Variants in ENAH observed in about 807,000 individuals in gnomAD.
The protein encoded by ENAH is ENAH actin regulator.
In ENAH, 23 loss-of-function variants were observed where a neutral mutation model predicts 78.7. That is an observed-to-expected ratio of 0.29 (90% CI 0.21 to 0.41). The LOEUF (loss-of-function observed/expected upper bound fraction) is 0.41, where lower values mean the gene tolerates loss of function less well. Among genes scored for constraint, ENAH ranks in the 10% least tolerant of loss-of-function variants. The probability of loss-of-function intolerance (pLI) is 1.00; values close to 1 mark genes in which losing one functional copy is unlikely to be tolerated. For missense variants in ENAH, 544 were observed against 691.0 expected (o/e 0.79, Z 2.39); for synonymous variants, 226 against 241.0 (o/e 0.94, Z 0.58).
intron 1 of ENAH, among the ~76,000 whole-genome samples, chr1:225,638,246 T>C (rs1214165795): frequency 6.6e-6 from 1 of 151,636 alleles, no homozygotes; most frequent in Non-Finnish European, 1.5e-5. Context: ...AGCCTCAACA[T>C]TCCAGGCTCA....
intron 1 of ENAH, among the ~76,000 whole-genome samples, chr1:225,634,167 T>C (rs960823031): frequency 6.6e-6 from 1 of 152,218 alleles, no homozygotes; most frequent in Non-Finnish European, 1.5e-5. Context: ...TTATAAATTG[T>C]GGTTGGGGTA....
intron 1 of ENAH, among the ~76,000 whole-genome samples, chr1:225,614,533 CT>C (rs1285526507): frequency 6.6e-6 from 1 of 152,136 alleles, no homozygotes; most frequent in Non-Finnish European, 1.5e-5. Context: ...AGACTCTATC[CT>C]TTGGGTTTGT....
chr1:225,609,374 C>T (rs2096975146), intron 1 of ENAH, among the ~76,000 whole-genome samples: 1 of 151,574 alleles, frequency 6.6e-6, no homozygotes, highest in Admixed American at 6.6e-5. Context: ...AAATAGTACA[C>T]AGCATGGCTC....
chr1:225,642,651 C>CTTTACTCAA (rs1179733903), intron 1 of ENAH, among the ~76,000 whole-genome samples: 1 of 152,144 alleles, frequency 6.6e-6, no homozygotes, highest in Non-Finnish European at 1.5e-5. Flanking sequence ...GCCCGGGTAA[C>CTTTACTCAA]AGCTTTACTA....
chr1:225,496,678 G>A lies in ENAH; in HGVS notation c.*1097C>T, dbSNP rs1484940753. 6 of 152,620 alleles carry A rather than the reference G, an allele frequency of 3.9e-5. No individual in the cohort carries two copies. Among genetic ancestry groups the A allele is most frequent in the Non-Finnish European group, 8.8e-5 (6 of 68,026 alleles). 9.5% of individuals were successfully genotyped at this position (152,620 alleles called of 1,614,324 possible). ...CTGAAGACATGATGTAAAAGATTAA[G>A]TACTTGGTTTTGTAACATATTTACC... is the stretch of plus-strand genomic sequence containing the variant. On this transcript the variant is annotated 3_prime_UTR_variant, in exon 14 of 14. Transcript: ENST00000366843.
chr1:225,540,285 G>C (rs1459639728), intron 3 of ENAH, among the ~76,000 whole-genome samples: 1 of 151,980 alleles, frequency 6.6e-6, no homozygotes, highest in Admixed American at 6.6e-5. Flanking sequence ...CAAGATAAGA[G>C]GATACCTCAC....
At chr1:225,517,459 G>A (rs1453890059) in intron 5 of ENAH, 153 bp from the exon 6 acceptor site, 2 of 1,551,610 alleles carry the variant, frequency 1.3e-6, no homozygotes, top group Non-Finnish European at 1.7e-6. Flanking sequence ...CCCTGAGGTA[G>A]GCGGTGGAGA....
rs2096227391 is a variant in ENAH at position 225,492,571 on chromosome 1, G to A, written c.*5204C>T. 1 of 152,174 alleles carries A rather than the reference G, an allele frequency of 6.6e-6. No homozygotes were observed. Among genetic ancestry groups the A allele is most frequent in the African/African-American group, 2.4e-5 (1 of 41,426 alleles). The allele number at this position is 152,174 out of a possible 1,614,324, so 9.4% of individuals were successfully genotyped here. On this transcript the variant is annotated 3_prime_UTR_variant, in exon 14 of 14. Transcript: ENST00000366843. ...ATTTAACATGCTTCACAGAACGGGG[G>A]TGCAGCTCAGTGACTGTGATTCTTT...
intron 1 of ENAH, among the ~76,000 whole-genome samples, chr1:225,616,232 C>T (rs1039375306): frequency 1.3e-5 from 2 of 151,788 alleles, no homozygotes; most frequent in African/African-American, 4.8e-5. Context: ...ACCAGAGACC[C>T]TGTTCACATG....
intron 3 of ENAH, among the ~76,000 whole-genome samples, chr1:225,544,332 A>T (rs2096603195): frequency 6.6e-6 from 1 of 152,238 alleles, no homozygotes. Flanking sequence ...ATCACAGATG[A>T]CATCCTCAGG....
chr1:225,517,437 A>C (rs902193622), intron 5 of ENAH, 131 bp from the exon 6 acceptor site: 10 of 1,551,576 alleles, frequency 6.4e-6, no homozygotes, highest in African/African-American at 2.7e-5. Flanking sequence ...GCGGCGGCGG[A>C]GGAGCTGCTG....
At chr1:225,498,028 A>C (rs565030417) in intron 13 of ENAH, among the ~76,000 whole-genome samples, 1 of 152,310 alleles carries the variant, frequency 6.6e-6, no homozygotes, top group Admixed American at 6.5e-5. Context: ...GAAAACACTG[A>C]TTATGTGGGC....
chr1:225,617,671 G>A (rs902116238), intron 1 of ENAH, among the ~76,000 whole-genome samples: 1 of 152,056 alleles, frequency 6.6e-6, no homozygotes. Flanking sequence ...TATGATTCAC[G>A]CATGCAACTC....
At chr1:225,517,465 G>A in intron 5 of ENAH, 159 bp from the exon 6 acceptor site, 1 of 1,551,682 alleles carries the variant, frequency 6.4e-7, no homozygotes, top group Non-Finnish European at 8.7e-7. Flanking sequence ...GGTAGGCGGT[G>A]GAGACACTGG....
At chr1:225,541,760 A>G (rs1426591849) in intron 3 of ENAH, among the ~76,000 whole-genome samples, 1 of 152,220 alleles carries the variant, frequency 6.6e-6, no homozygotes, top group African/African-American at 2.4e-5. Context: ...ATTTTTATAA[A>G]TAGCACACGA....
intron 2 of ENAH, among the ~76,000 whole-genome samples, chr1:225,563,476 A>G (rs2096719034): frequency 6.6e-6 from 1 of 152,172 alleles, no homozygotes; most frequent in South Asian, 2.1e-4. Flanking sequence ...GCCTAATGTG[A>G]TGAGAACTGT....
intron 1 of ENAH, among the ~76,000 whole-genome samples, chr1:225,619,305 G>A (rs561850360): frequency 6.6e-6 from 1 of 152,278 alleles, no homozygotes; most frequent in East Asian, 1.9e-4. Flanking sequence ...CACTTTGGGA[G>A]GCCAAGGCGG....
chr1:225,634,166 G>A (rs1659623359), intron 1 of ENAH, among the ~76,000 whole-genome samples: 2 of 152,028 alleles, frequency 1.3e-5, no homozygotes, highest in South Asian at 4.1e-4. Context: ...CTTATAAATT[G>A]TGGTTGGGGT....
chr1:225,542,173 CGCCTA>C (rs1489111894), intron 3 of ENAH, among the ~76,000 whole-genome samples: 1 of 152,172 alleles, frequency 6.6e-6, no homozygotes, highest in African/African-American at 2.4e-5. Flanking sequence ...TGAGCCACTG[CGCCTA>C]GCCTAGCTCT....
Sources: gnomAD v4.1 joint callset for allele counts (sites outside exome capture counted in the v4.1 genomes callset) on GRCh38, gnomAD v4.1.1 for gene constraint, MANE v1.5 for transcripts, NCBI Gene and HGNC (gene_info 2026-07-23, HGNC 2026-07-21) for gene names.